IL1RAPL2: variants seen among roughly 807,000 people sequenced by gnomAD.
IL1RAPL2 encodes the protein interleukin 1 receptor accessory protein like 2.
Under a neutral mutation model 44.1 loss-of-function variants are expected in IL1RAPL2, and 3 were observed. That is an observed-to-expected ratio of 0.07 (90% CI 0.03 to 0.18). The LOEUF is 0.18. Ranked by LOEUF, IL1RAPL2 falls within the 10% of genes least tolerant of loss-of-function variation. IL1RAPL2 has a pLI of 1.00. For synonymous variants in IL1RAPL2, 181 were observed against 178.8 expected (o/e 1.01, Z -0.10); for missense variants, 391 against 496.4 (o/e 0.79, Z 2.02).
intron 3 of IL1RAPL2, among the ~76,000 whole-genome samples, chrX:105,207,762 G>T (rs1439314977): frequency 8.9e-6 from 1 of 111,817 alleles, no homozygotes; most frequent in Non-Finnish European, 1.9e-5. Context: ...GAACTAACCT[G>T]CCATACCAAG....
In IL1RAPL2 at chrX:105,270,177, G is replaced by A. The variant is rs185381547; in HGVS notation, c.697+2636G>A. Among the ~76,000 whole-genome samples, 13 of 111,364 alleles carry A rather than the reference G, an allele frequency of 1.2e-4. No individual in the cohort carries two copies. In the South Asian group the frequency reaches 2.6e-3, roughly 22 times the overall value. On this transcript the variant is annotated intron_variant, in intron 5 of 10. Transcript: ENST00000372582. ...ACTAGGAATTTACCTTTTTGTCCAGGTGATTCTGTTTTATGCTTTCCAAGG... is the reference window on the plus strand; with the variant it reads ...ACTAGGAATTTACCTTTTTGTCCAGATGATTCTGTTTTATGCTTTCCAAGG...
intron 5 of IL1RAPL2, among the ~76,000 whole-genome samples, chrX:105,288,320 A>G (rs2034586320): frequency 9.0e-6 from 1 of 110,512 alleles, no homozygotes; most frequent in Non-Finnish European, 1.9e-5. Flanking sequence ...TTTACAAGAT[A>G]TAATAGGCTT....
In IL1RAPL2 at chrX:105,195,401, GTGA is replaced by G. The variant is rs782362774; in HGVS notation, c.83-69_83-67del. On this transcript the variant is annotated intron_variant, in intron 2 of 10. Coordinates refer to ENST00000372582, the MANE Select transcript of IL1RAPL2 (RefSeq NM_017416.2). Reference sequence around the variant, plus strand: ...TATGTGGAGCACTTAGGACATGTTGGTGATGATTACTGCTCACACTATTAGTGT... The same window carrying G: ...TATGTGGAGCACTTAGGACATGTTGGTGATTACTGCTCACACTATTAGTGT... The G allele has an allele frequency of 1.5e-4, 151 of 986,461 alleles. No individual in the cohort carries two copies. In the African/African-American group the frequency reaches 2.6e-3, roughly 17 times the overall value. The allele number at this position is 986,461 out of a possible 1,213,427, so 81.3% of individuals were successfully genotyped here. A position where few individuals can be genotyped will look rare whatever the true frequency, so the allele number is the denominator to read the frequency against.
intron 6 of IL1RAPL2, among the ~76,000 whole-genome samples, chrX:105,682,910 G>A (rs763464711): frequency 6.2e-5 from 7 of 112,168 alleles, no homozygotes; most frequent in Non-Finnish European, 1.1e-4. Flanking sequence ...AATAAAAAAC[G>A]TCATGGTATT....
chrX:105,233,480 T>C (rs1425534672), intron 3 of IL1RAPL2, among the ~76,000 whole-genome samples: 1 of 111,884 alleles, frequency 8.9e-6, no homozygotes, highest in Non-Finnish European at 1.9e-5. Flanking sequence ...CAGCTCCAGT[T>C]ATAGAGAGAC....
chrX:104,677,452 G>C (rs768878458), intron 2 of IL1RAPL2, among the ~76,000 whole-genome samples: 4 of 111,172 alleles, frequency 3.6e-5, no homozygotes, highest in African/African-American at 6.6e-5. Flanking sequence ...CAGTCTGCCG[G>C]TTCTCAGATC....
chrX:105,393,878 C>A (rs933735439), intron 5 of IL1RAPL2, among the ~76,000 whole-genome samples: 1 of 111,946 alleles, frequency 8.9e-6, no homozygotes, highest in Non-Finnish European at 1.9e-5. Flanking sequence ...GCATTATCAG[C>A]CTCCCTATTT....
chrX:104,762,792 C>T (rs1425799197), intron 2 of IL1RAPL2, among the ~76,000 whole-genome samples: 4 of 111,677 alleles, frequency 3.6e-5, no homozygotes, highest in Non-Finnish European at 7.5e-5. Context: ...TCTGCATTGG[C>T]CCCTTTTAGT....
intron 5 of IL1RAPL2, among the ~76,000 whole-genome samples, chrX:105,301,123 C>A (rs180711722): frequency 2.7e-5 from 3 of 111,595 alleles, no homozygotes; most frequent in Non-Finnish European, 5.6e-5. Flanking sequence ...CTCTTCAGTG[C>A]CTCATTTCTA....
chrX:105,539,210 C>T (rs748284384), intron 6 of IL1RAPL2, among the ~76,000 whole-genome samples: 207 of 111,231 alleles, frequency 1.9e-3, no homozygotes, highest in Admixed American at 3.1e-3. Context: ...CAAAAAAGAG[C>T]CCAAACATCC....
At chrX:105,266,388 C>G (rs748193625) in intron 4 of IL1RAPL2, among the ~76,000 whole-genome samples, 1 of 111,348 alleles carries the variant, frequency 9.0e-6, no homozygotes, top group East Asian at 2.8e-4. Context: ...TAACAGCTAT[C>G]CCCTACGCCT....
intron 1 of IL1RAPL2, among the ~76,000 whole-genome samples, chrX:104,649,245 C>T (rs1310492234): frequency 1.8e-5 from 2 of 111,647 alleles, no homozygotes; most frequent in African/African-American, 3.3e-5. Context: ...TTAGGGCTAA[C>T]AACAGACTTG....
chrX:104,946,665 G>A (rs1236693387), intron 2 of IL1RAPL2, among the ~76,000 whole-genome samples: 4 of 98,901 alleles, frequency 4.0e-5, no homozygotes, highest in African/African-American at 1.5e-4. Flanking sequence ...AATATGCGGT[G>A]TTTGGTTTTT....
intron 6 of IL1RAPL2, among the ~76,000 whole-genome samples, chrX:105,638,871 G>C (rs938464540): frequency 9.0e-6 from 1 of 111,711 alleles, no homozygotes; most frequent in Non-Finnish European, 1.9e-5. Flanking sequence ...ATGTTGACCT[G>C]GGTTATATTT....
chrX:104,997,305 G>C (rs751667122), intron 2 of IL1RAPL2, among the ~76,000 whole-genome samples: 1 of 111,622 alleles, frequency 9.0e-6, no homozygotes, highest in Non-Finnish European at 1.9e-5. Context: ...GATATACTAG[G>C]ATAAACAAAA....
chrX:104,940,261 A>T (rs1925131610), intron 2 of IL1RAPL2, among the ~76,000 whole-genome samples: 1 of 111,690 alleles, frequency 9.0e-6, no homozygotes, highest in African/African-American at 3.2e-5. Context: ...TTCAGTTTAA[A>T]TCATCAATAG....
At chrX:105,205,150 G>C (rs2033749881) in intron 3 of IL1RAPL2, among the ~76,000 whole-genome samples, 1 of 110,849 alleles carries the variant, frequency 9.0e-6, no homozygotes, top group Admixed American at 9.6e-5. Flanking sequence ...TGATCAAGAA[G>C]GGCTTCACAG....
intron 5 of IL1RAPL2, among the ~76,000 whole-genome samples, chrX:105,364,505 C>T (rs943413866): frequency 9.0e-6 from 1 of 110,678 alleles, no homozygotes; most frequent in Non-Finnish European, 1.9e-5. Flanking sequence ...CTTTAGATCA[C>T]TTTGGGTATT....
chrX:105,126,293 C>G (rs887207199), intron 2 of IL1RAPL2, among the ~76,000 whole-genome samples: 4 of 108,868 alleles, frequency 3.7e-5, no homozygotes, highest in Non-Finnish European at 7.7e-5. Flanking sequence ...GTCTATACTA[C>G]CTGGTGTCTG....
Sources: allele counts gnomAD v4.1 joint callset (sites outside exome capture counted in the v4.1 genomes callset), GRCh38; gene constraint gnomAD v4.1.1; transcripts MANE v1.5; gene names NCBI Gene and HGNC (gene_info 2026-07-23, HGNC 2026-07-21).